The following KCNMB2 variants were observed in gnomAD, a reference collection of about 807,000 sequenced individuals.
The protein encoded by KCNMB2 is potassium calcium-activated channel subfamily M regulatory beta subunit 2, also known as calcium-activated potassium channel subunit beta-2.
Under a neutral mutation model 24.5 loss-of-function variants are expected in KCNMB2, and 9 were observed. The observed-to-expected ratio is 0.37, with a 90% CI of 0.22 to 0.64. KCNMB2 has a LOEUF of 0.64. Among genes scored for constraint, KCNMB2 ranks in the 30% least tolerant of loss-of-function variants. The pLI is 0.63. For missense variants in KCNMB2, 226 were observed against 284.3 expected, an observed-to-expected ratio of 0.79 and a Z score of 1.47; for synonymous variants, 109 against 104.4, an observed-to-expected ratio of 1.04 and a Z score of -0.27.
chr3:178,538,004 T>A (rs1446256445), intron 1 of KCNMB2, among the ~76,000 whole-genome samples: 1 of 152,276 alleles, frequency 6.6e-6, no homozygotes, highest in Non-Finnish European at 1.5e-5. Flanking sequence ...GATTAGAGTA[T>A]GTTTGTTTTC....
chr3:178,536,814 G>A (rs1715426365), intron 1 of KCNMB2, 103 bp downstream of exon 1: 1 of 152,692 alleles, frequency 6.5e-6, no homozygotes, highest in East Asian at 1.9e-4. Flanking sequence ...GGAGTGAGAA[G>A]CAGCAAGAGG....
At position 178,661,151 on chromosome 3, in the gene KCNMB2, C is replaced by T. The variant is rs530445876; in HGVS notation, c.-68+124440C>T. ...GTCCCTCCCCTAGCCCCCCACCCTC[C>T]GACAGGCCCCAGTGTGTGATGTTCC... is the stretch of plus-strand genomic sequence containing the variant. On this transcript the variant is annotated intron_variant, in intron 1 of 4. Coordinates refer to ENST00000452583, the MANE Select transcript of KCNMB2 (RefSeq NM_181361.3). Among the ~76,000 whole-genome samples, 152 of 151,730 alleles carry T rather than the reference C, an allele frequency of 1.0e-3. 1 individual carries two copies. The highest frequency in any genetic ancestry group is 3.0e-3 in the African/African-American group (125 of 41,340).
At chr3:178,836,471 A>T (rs1715234614) in intron 4 of KCNMB2, among the ~76,000 whole-genome samples, 1 of 152,160 alleles carries the variant, frequency 6.6e-6, no homozygotes, top group Non-Finnish European at 1.5e-5. Context: ...TCATGGGTCC[A>T]TCCCTGTGGT....
At chr3:178,801,236 G>A (rs114329310) in intron 1 of KCNMB2, among the ~76,000 whole-genome samples, 114 of 152,122 alleles carry the variant, frequency 7.5e-4, no homozygotes, top group Non-Finnish European at 1.4e-3. Flanking sequence ...GATGGATACC[G>A]CATTTACTCT....
chr3:178,705,962 G>T (rs982320310), intron 1 of KCNMB2, among the ~76,000 whole-genome samples: 1 of 152,064 alleles, frequency 6.6e-6, no homozygotes, highest in Non-Finnish European at 1.5e-5. Flanking sequence ...ACATACTTTG[G>T]CCTTCATTCT....
At chr3:178,745,375 A>C (rs1398526110) in intron 1 of KCNMB2, among the ~76,000 whole-genome samples, 1 of 152,196 alleles carries the variant, frequency 6.6e-6, no homozygotes, top group Non-Finnish European at 1.5e-5. Flanking sequence ...AGACTTATTT[A>C]CTATAATTGA....
chr3:178,555,674 G>A (rs1716100320), intron 1 of KCNMB2, among the ~76,000 whole-genome samples: 1 of 152,182 alleles, frequency 6.6e-6, no homozygotes, highest in South Asian at 2.1e-4. Flanking sequence ...GGGTGAGAAA[G>A]AATGGGGAGG....
intron 4 of KCNMB2, among the ~76,000 whole-genome samples, chr3:178,835,242 G>T (rs1270167279): frequency 6.6e-6 from 1 of 152,006 alleles, no homozygotes; most frequent in South Asian, 2.1e-4. Context: ...AAACAGTCAT[G>T]CATAGCAGTG....
chr3:178,661,184 G>A (rs1201219611), intron 1 of KCNMB2, among the ~76,000 whole-genome samples: 1 of 143,534 alleles, frequency 7.0e-6, no homozygotes, highest in Non-Finnish European at 1.5e-5. Flanking sequence ...TCCCCTCCCT[G>A]TGTCCATGTG....
chr3:178,648,132 G>A (rs1183920685), intron 1 of KCNMB2, among the ~76,000 whole-genome samples: 1 of 151,882 alleles, frequency 6.6e-6, no homozygotes, highest in Non-Finnish European at 1.5e-5. Flanking sequence ...TTGCACCATA[G>A]GTATCTACAC....
chr3:178,717,805 G>A (rs1353258325), intron 1 of KCNMB2, among the ~76,000 whole-genome samples: 2 of 151,988 alleles, frequency 1.3e-5, no homozygotes, highest in Non-Finnish European at 2.9e-5. Flanking sequence ...GGATAACCTG[G>A]GGAGTAGGTA....
chr3:178,819,549 G>A (rs1346087204), intron 2 of KCNMB2, among the ~76,000 whole-genome samples: 2 of 143,646 alleles, frequency 1.4e-5, no homozygotes, highest in East Asian at 4.1e-4. Flanking sequence ...TGCTTCCTCT[G>A]CCCGCTAGTC....
chr3:178,561,906 C>T (rs1371374691), intron 1 of KCNMB2, among the ~76,000 whole-genome samples: 2 of 152,178 alleles, frequency 1.3e-5, no homozygotes, highest in Non-Finnish European at 2.9e-5. Flanking sequence ...GGAATTAGAG[C>T]AATCTGAGCC....
chr3:178,547,539 T>C (rs1577002221), intron 1 of KCNMB2, among the ~76,000 whole-genome samples: 1 of 152,192 alleles, frequency 6.6e-6, no homozygotes, highest in South Asian at 2.1e-4. Context: ...CTATTTCATA[T>C]ATGTGTGTGT....
intron 2 of KCNMB2, among the ~76,000 whole-genome samples, chr3:178,818,698 A>G (rs79843194): frequency 6.6e-6 from 1 of 152,268 alleles, no homozygotes; most frequent in African/African-American, 2.4e-5. Flanking sequence ...ATATGTAAAC[A>G]TTTCTAAACA....
At chr3:178,704,630 A>T (rs1722218087) in intron 1 of KCNMB2, among the ~76,000 whole-genome samples, 1 of 152,126 alleles carries the variant, frequency 6.6e-6, no homozygotes, top group Non-Finnish European at 1.5e-5. Context: ...CAAAGATGGA[A>T]ATCTGTTTTT....
chr3:178,622,514 A>C (rs1718960093), intron 1 of KCNMB2, among the ~76,000 whole-genome samples: 1 of 152,200 alleles, frequency 6.6e-6, no homozygotes, highest in Non-Finnish European at 1.5e-5. Flanking sequence ...ATAAATGGTA[A>C]AGCCAAAGGA....
At chr3:178,700,717 T>A (rs541320791) in intron 1 of KCNMB2, among the ~76,000 whole-genome samples, 1 of 152,320 alleles carries the variant, frequency 6.6e-6, no homozygotes, top group East Asian at 1.9e-4. Context: ...AGCTCATTAC[T>A]TTTTCCAGCT....
At chr3:178,772,033 C>T (rs1210939177) in intron 1 of KCNMB2, among the ~76,000 whole-genome samples, 1 of 152,120 alleles carries the variant, frequency 6.6e-6, no homozygotes, top group African/African-American at 2.4e-5. Context: ...AAATCCTTTA[C>T]CTCCTTCAGG....
Sources: gnomAD v4.1 joint callset for allele counts (sites outside exome capture counted in the v4.1 genomes callset) on GRCh38, gnomAD v4.1.1 for gene constraint, MANE v1.5 for transcripts, NCBI Gene and HGNC (gene_info 2026-07-23, HGNC 2026-07-21) for gene names.